ITIH5: variants seen among roughly 807,000 people sequenced by gnomAD.
ITIH5 encodes the protein inter-alpha-trypsin inhibitor heavy chain 5.
Under a neutral mutation model 77.5 loss-of-function variants are expected in ITIH5, and 65 were observed. The observed-to-expected ratio is 0.84, with a 90% CI of 0.69 to 1.03. The LOEUF (loss-of-function observed/expected upper bound fraction) is 1.03. Ranked by LOEUF, ITIH5 falls within the 50% of genes least tolerant of loss-of-function variation. The pLI, the probability that ITIH5 is intolerant of heterozygous loss-of-function variation, is 0.00. For synonymous variants in ITIH5, 525 were observed against 494.3 expected (o/e 1.06, Z -0.82); for missense variants, 1,208 against 1,213.1 (o/e 1.00, Z 0.06).
chr10:7,631,436 G>T (rs1032204439), intron 5 of ITIH5, among the ~76,000 whole-genome samples: 1 of 152,178 alleles, frequency 6.6e-6, no homozygotes, highest in African/African-American at 2.4e-5. Flanking sequence ...AAGCCAGAGA[G>T]GGACTCAAGT....
intron 11 of ITIH5, chr10:7,571,997 T>C (rs1832309408): frequency 7.0e-6 from 7 of 1,005,094 alleles, no homozygotes; most frequent in African/African-American, 1.7e-5. Flanking sequence ...TCTACTCAAA[T>C]TGTCCAAATT....
intron 3 of ITIH5, among the ~76,000 whole-genome samples, chr10:7,641,686 G>A (rs868864818): frequency 9.3e-6 from 1 of 107,218 alleles, no homozygotes; most frequent in African/African-American, 3.5e-5. Flanking sequence ...GGGAAGGAGG[G>A]AGGGAGGGAG....
chr10:7,609,238 C>A (rs888762283), intron 7 of ITIH5, among the ~76,000 whole-genome samples: 2 of 152,176 alleles, frequency 1.3e-5, no homozygotes, highest in African/African-American at 4.8e-5. Context: ...GCACTTGATA[C>A]GCACTGATCA....
intron 8 of ITIH5, among the ~76,000 whole-genome samples, chr10:7,584,821 G>A (rs561204081): frequency 1.3e-5 from 2 of 152,252 alleles, no homozygotes; most frequent in African/African-American, 4.8e-5. Flanking sequence ...TGGACTTCCT[G>A]CCGTAGAGCA....
Position 7,657,132 on chromosome 10 carries a change from A to G in ITIH5, c.91-1457T>C, listed in dbSNP as rs545229038. Reference sequence around the variant, plus strand: ...CCACCTTGGCTCACTGCAATCTCCAACTCCCGGGTTCAAGCGATTCCCCTG... The same window carrying G: ...CCACCTTGGCTCACTGCAATCTCCAGCTCCCGGGTTCAAGCGATTCCCCTG... On this transcript the variant is annotated intron_variant, in intron 1 of 13. Coordinates refer to ENST00000397146, the MANE Select transcript of ITIH5 (RefSeq NM_030569.7). Among the ~76,000 whole-genome samples the G allele has an allele frequency of 2.6e-3, 370 of 140,368 alleles. 2 individuals are homozygous for G. The highest frequency in any genetic ancestry group is 9.4e-3 in the African/African-American group (350 of 37,122). The allele number at this position is 140,368 out of a possible 152,430, so 92.1% of individuals were successfully genotyped here.
intron 7 of ITIH5, among the ~76,000 whole-genome samples, chr10:7,589,558 C>T (rs969222668): frequency 3.3e-5 from 5 of 152,098 alleles, no homozygotes; most frequent in Admixed American, 2.0e-4. Context: ...CTGAAGAATG[C>T]AACAAGTTCT....
chr10:7,607,550 A>G (rs1458069901), intron 7 of ITIH5, among the ~76,000 whole-genome samples: 2 of 152,256 alleles, frequency 1.3e-5, no homozygotes, highest in African/African-American at 4.8e-5. Context: ...GCTGTGGTTC[A>G]TGCCTGTAAT....
intron 4 of ITIH5, 23 bp from the exon 5 acceptor site, chr10:7,637,501 C>A (rs1269717737): frequency 6.2e-7 from 1 of 1,610,700 alleles, no homozygotes; most frequent in Admixed American, 1.7e-5. Flanking sequence ...AGGAAAAGGA[C>A]CCCAGGGAGG....
intron 7 of ITIH5, among the ~76,000 whole-genome samples, chr10:7,615,232 C>T (rs1226046274): frequency 1.3e-5 from 2 of 152,060 alleles, no homozygotes; most frequent in East Asian, 3.9e-4. Context: ...GCCTGGGCAA[C>T]AAGAGCAAAA....
chr10:7,584,027 C>T (rs1832621750), intron 8 of ITIH5, among the ~76,000 whole-genome samples: 1 of 152,220 alleles, frequency 6.6e-6, no homozygotes, highest in Non-Finnish European at 1.5e-5. Flanking sequence ...TAACTCACTC[C>T]ATCCTGGTAA....
chr10:7,633,658 T>A (rs938142441), intron 5 of ITIH5, among the ~76,000 whole-genome samples: 2 of 151,614 alleles, frequency 1.3e-5, no homozygotes, highest in African/African-American at 2.4e-5. Context: ...TCTTCATAAT[T>A]AAAATGGGGA....
rs890990120 is a variant in ITIH5, at chr10:7,624,508, AAAAC to A, written c.653-7230_653-7227del. ...GGCAACAAGAGCGAAACTCCATCTC[AAAAC>A]AAACAAACAAACATGCATTATCAGG... is the stretch of plus-strand genomic sequence containing the variant. On this transcript the variant is annotated intron_variant, in intron 5 of 13. Transcript: ENST00000397146. Among the ~76,000 whole-genome samples, 427 of 148,554 alleles carry A rather than the reference AAAAC, an allele frequency of 2.9e-3. 1 individual carries two copies. The highest frequency in any genetic ancestry group is 9.9e-3 in the African/African-American group (396 of 40,158).
At chr10:7,655,198 C>T (rs1007607394) in intron 2 of ITIH5, among the ~76,000 whole-genome samples, 5 of 152,118 alleles carry the variant, frequency 3.3e-5, no homozygotes, top group Admixed American at 6.6e-5. Flanking sequence ...TGAACATTTG[C>T]CCCGGTCCCA....
intron 8 of ITIH5, among the ~76,000 whole-genome samples, chr10:7,582,494 C>G (rs967194955): frequency 2.0e-5 from 3 of 152,084 alleles, no homozygotes; most frequent in African/African-American, 7.2e-5. Flanking sequence ...AATCTACATA[C>G]CAAAAGATCA....
At chr10:7,609,523 A>T (rs1833198809) in intron 7 of ITIH5, 2 of 453,046 alleles carry the variant, frequency 4.4e-6, no homozygotes, top group Admixed American at 2.4e-5. Context: ...CTGTGAGTGA[A>T]CCAAAATCGA....
intron 5 of ITIH5, among the ~76,000 whole-genome samples, chr10:7,629,577 G>A (rs529150350): frequency 1.6e-5 from 2 of 128,376 alleles, no homozygotes; most frequent in South Asian, 2.6e-4. Context: ...ATGTATCTGT[G>A]TTTTCGCATG....
intron 5 of ITIH5, 89 bp from the exon 6 acceptor site, chr10:7,617,371 A>G: frequency 1.3e-6 from 1 of 798,510 alleles, no homozygotes; most frequent in Non-Finnish European, 1.8e-6. Flanking sequence ...AGAGTTTTAG[A>G]TTTCATTTTA....
At chr10:7,597,327 G>A (rs1832924150) in intron 7 of ITIH5, among the ~76,000 whole-genome samples, 2 of 152,090 alleles carry the variant, frequency 1.3e-5, no homozygotes, top group Non-Finnish European at 2.9e-5. Flanking sequence ...AGTGCCCCTT[G>A]GTGGGTGGTA....
chr10:7,600,398 A>G, intron 7 of ITIH5: 1 of 380,338 alleles, frequency 2.6e-6, no homozygotes, highest in Non-Finnish European at 5.2e-6. Context: ...CACATTCTCA[A>G]AGTGACCACA....
Sources: allele counts gnomAD v4.1 joint callset (sites outside exome capture counted in the v4.1 genomes callset), GRCh38; gene constraint gnomAD v4.1.1; transcripts MANE v1.5; gene names NCBI Gene and HGNC (gene_info 2026-07-23, HGNC 2026-07-21).